TMEM43: variants seen among roughly 807,000 people sequenced by gnomAD.
The protein encoded by TMEM43 is transmembrane protein 43.
A neutral mutation model predicts 49.6 loss-of-function variants in TMEM43; 45 were observed. That is an observed-to-expected ratio of 0.91 (90% CI 0.71 to 1.16). The LOEUF (loss-of-function observed/expected upper bound fraction) is 1.16, where lower values mean the gene tolerates loss of function less well. Ranked by LOEUF, TMEM43 falls within the 50% of genes most tolerant of loss-of-function variation. TMEM43 has a pLI of 0.00. For synonymous variants in TMEM43, 199 were observed against 207.8 expected, an observed-to-expected ratio of 0.96 and a Z score of 0.36; for missense variants, 532 against 516.6, an observed-to-expected ratio of 1.03 and a Z score of -0.29.
At chr3:14,135,483 TC>T (rs890437456) in intron 9 of TMEM43, among the ~76,000 whole-genome samples, 7 of 152,152 alleles carry the variant, frequency 4.6e-5, no homozygotes, top group African/African-American at 1.7e-4. Flanking sequence ...TGACAGGTGT[TC>T]CAGTCACACA....
At chr3:14,138,934 C>G (rs1308205337) in intron 10 of TMEM43, among the ~76,000 whole-genome samples, 3 of 152,206 alleles carry the variant, frequency 2.0e-5, no homozygotes, top group Non-Finnish European at 2.9e-5. Flanking sequence ...GCTGAGGGCT[C>G]CAGGTGCTGG....
At chr3:14,136,046 T>C (rs1695165903) in intron 10 of TMEM43, 138 bp downstream of exon 10, 1 of 809,516 alleles carries the variant, frequency 1.2e-6, no homozygotes, top group African/African-American at 1.7e-5. Flanking sequence ...GAATGTTGAG[T>C]ATGCCTCATC....
In TMEM43 at chr3:14,133,738, G is replaced by A; in HGVS notation, c.513-1G>A. ...CTCTGACAGCTTCCTCTCTCCCACA[G>A]TGCCATGGCAGTGGAGTCATTCATG... On this transcript the variant is annotated splice_acceptor_variant, in intron 6 of 11. Transcript: ENST00000306077. LOFTEE classifies it high-confidence loss of function. The A allele has an allele frequency of 6.2e-7, 1 of 1,614,160 alleles. No individual in the cohort carries two copies. Among genetic ancestry groups the A allele is most frequent in the Non-Finnish European group, 8.5e-7 (1 of 1,179,972 alleles).
chr3:14,142,157 G>A lies in TMEM43; in HGVS notation c.*362G>A, dbSNP rs1695258972. 1 of 333,294 alleles carries A rather than the reference G, an allele frequency of 3.0e-6. No homozygotes were observed. Among genetic ancestry groups the A allele is most frequent in the East Asian group, 7.3e-5 (1 of 13,756 alleles). The allele number at this position is 333,294 out of a possible 1,614,324, so 20.6% of individuals were successfully genotyped here. A position where few individuals can be genotyped will look rare whatever the true frequency, so the allele number is the denominator to read the frequency against. Reference sequence around the variant, plus strand: ...CTCTACGGAGGCCTGCTGATAAAGGGCTCAGCCTTGCCGTGTGCTGCTTCT... The same window carrying A: ...CTCTACGGAGGCCTGCTGATAAAGGACTCAGCCTTGCCGTGTGCTGCTTCT... On this transcript the variant is annotated 3_prime_UTR_variant, in exon 12 of 12. Transcript: ENST00000306077.
intron 2 of TMEM43, 109 bp from the exon 3 acceptor site, chr3:14,130,713 G>T: frequency 7.1e-7 from 1 of 1,400,378 alleles, no homozygotes. Flanking sequence ...GTGGGGAGAT[G>T]GGTCTCAGCG....
chr3:14,141,459 TTCCACCCACTGA>T (rs1209196968), intron 11 of TMEM43, 122 bp from the exon 12 acceptor site: 50 of 883,416 alleles, frequency 5.7e-5, no homozygotes, highest in Non-Finnish European at 8.2e-5. Flanking sequence ...GCTCCTTGCC[TTCCACCCACTGA>T]TCCTCTCCCC....
Position 14,134,801 on chromosome 3 carries a change from C to T in TMEM43, c.615C>T (p.Ser205=), listed in dbSNP as rs761287242. The T allele has an allele frequency of 6.2e-7, 1 of 1,614,170 alleles. No homozygotes were observed. The highest frequency in any genetic ancestry group is 8.5e-7 in the Non-Finnish European group (1 of 1,180,020). The part of the protein sequence containing the change: ...GLIDKVDNFK[S]LSLSKLEDPH... Reference sequence around the variant, plus strand: ...TCGACAAAGTCGACAACTTCAAGTCCCTGAGCCTATCCAAGCTGGAGGACC... The same window carrying T: ...TCGACAAAGTCGACAACTTCAAGTCTCTGAGCCTATCCAAGCTGGAGGACC... Residue 205 remains serine (S), a synonymous_variant, in exon 8 of 12, where the codon TCC becomes TCT. Coordinates refer to ENST00000306077, the MANE Select transcript of TMEM43 (RefSeq NM_024334.3).
At chr3:14,125,434 G>C (rs1411250303) in intron 1 of TMEM43, among the ~76,000 whole-genome samples, 2 of 152,230 alleles carry the variant, frequency 1.3e-5, no homozygotes, top group East Asian at 1.9e-4. Flanking sequence ...CGTCCTCGGC[G>C]TTCGTGCGGA....
chr3:14,143,479 C>T lies in TMEM43; in HGVS notation c.*1684C>T, dbSNP rs1023488794. ...TCTTAAAGGATGCTTTCGGAAAACA[C>T]GCTGTATACCTAGATGATGACTAAA... On this transcript the variant is annotated 3_prime_UTR_variant, in exon 12 of 12. Transcript: ENST00000306077. 4 of 152,192 alleles carry T rather than the reference C, an allele frequency of 2.6e-5. No individual in the cohort carries two copies. The highest frequency in any genetic ancestry group is 6.5e-5 in the Admixed American group (1 of 15,282). The allele number at this position is 152,192 out of a possible 1,614,324, so 9.4% of individuals were successfully genotyped here. A position where few individuals can be genotyped will look rare whatever the true frequency, so the allele number is the denominator to read the frequency against.
intron 11 of TMEM43, among the ~76,000 whole-genome samples, chr3:14,141,194 A>G (rs999902820): frequency 1.3e-5 from 2 of 152,196 alleles, no homozygotes; most frequent in East Asian, 1.9e-4. Context: ...AATGGCTGAG[A>G]GGCCCAAATA....
rs749592639 is a variant in TMEM43 at position 14,139,309 on chromosome 3, G to A, written c.1000+12G>A. The A allele has an allele frequency of 1.1e-5, 17 of 1,590,938 alleles. No individual in the cohort carries two copies. The Admixed American group carries it at 1.3e-4, about 12-fold the overall frequency. On this transcript the variant is annotated intron_variant, in intron 11 of 11. Transcript: ENST00000306077. ...CCTCTACACCTTGGGTAGGTGTTGG[G>A]GTGGGTCACTGCCCTCCCTCCTGCA... is the stretch of plus-strand genomic sequence containing the variant.
Position 14,134,855 on chromosome 3 carries a change from C to G in TMEM43, c.669C>G (p.Asp223Glu). 1 of 1,614,188 alleles carries G rather than the reference C, an allele frequency of 6.2e-7. No homozygotes were observed. The highest frequency in any genetic ancestry group is 1.1e-5 in the South Asian group (1 of 91,086). ...DPHVDIIRRGDFFYHSENPKY... is the reference protein window; with the variant it reads ...DPHVDIIRRGEFFYHSENPKY... ...ATGTGGACATCATTCGCCGTGGAGA[C>G]TTTTTCTACCACAGCGAAAATCCCA... The change falls in exon 8 of 12, where the codon GAC (aspartate) becomes GAG (glutamate). Residue 223 changes from aspartate to glutamate, a missense_variant. By Grantham distance (45) the Asp-to-Glu change is conservative (BLOSUM62 2). Transcript: ENST00000306077.
At position 14,130,865 on chromosome 3, in the gene TMEM43, C is replaced by T. The variant is rs369779779; in HGVS notation, c.206C>T (p.Ser69Leu). ...KTATSLAEGL[S>L]LVVSPDSIHS... ...GCAACCTCATTGGCTGAGGGGCTCT[C>T]GCTTGTGGTGTCTCCCGACAGCATC... The change falls in exon 3 of 12, where the codon TCG becomes TTG. Residue 69 changes from serine (S) to leucine (L), a missense_variant. Coordinates refer to ENST00000306077, the MANE Select transcript of TMEM43 (RefSeq NM_024334.3). 45 of 1,613,840 alleles carry T rather than the reference C, an allele frequency of 2.8e-5. No individual in the cohort carries two copies. In the East Asian group the frequency reaches 3.1e-4, roughly 11 times the overall value.
intron 7 of TMEM43, 50 bp downstream of exon 7, chr3:14,133,859 C>T: frequency 6.5e-7 from 1 of 1,548,876 alleles, no homozygotes. Flanking sequence ...CACAAGGCCC[C>T]CCTAGGGCCG....
rs1695217097 is a variant in TMEM43, at chr3:14,139,220, CCTGGGGCCTGCGGG to C, written c.925_938del (p.Trp309SerfsTer110). 6.2e-7 allele frequency: 1 copy of C among 1,614,056 alleles called. No homozygotes were observed. Among genetic ancestry groups the C allele is most frequent in the African/African-American group, 1.3e-5 (1 of 74,924 alleles). ...GAACTAAGGAGCAACTCCATGAAGA[CCTGGGGCCTGCGGG>C]CAGCTGGCTGGATGGCCATGTTCAT... On this transcript the variant is annotated frameshift_variant, in exon 11 of 12. Transcript: ENST00000306077. LOFTEE classifies it high-confidence loss of function.
intron 1 of TMEM43, among the ~76,000 whole-genome samples, chr3:14,127,116 G>A (rs1340320890): frequency 6.6e-6 from 1 of 152,144 alleles, no homozygotes; most frequent in African/African-American, 2.4e-5. Flanking sequence ...CACTGGGGAT[G>A]TCCGTCTGTG....
intron 6 of TMEM43, among the ~76,000 whole-genome samples, chr3:14,133,204 G>C (rs1477523720): frequency 1.3e-5 from 2 of 152,250 alleles, no homozygotes; most frequent in Non-Finnish European, 2.9e-5. Context: ...GGCCGGGGAA[G>C]CATTTTGTTA....
intron 4 of TMEM43, 61 bp downstream of exon 4, chr3:14,131,735 A>G (rs1038659218): frequency 5.8e-6 from 7 of 1,216,300 alleles, no homozygotes; most frequent in Admixed American, 1.8e-5. Context: ...AGGTGTCAGG[A>G]TAACATGCAG....
chr3:14,129,334 A>AAAATT, intron 1 of TMEM43, 78 bp from the exon 2 acceptor site: 3 of 849,710 alleles, frequency 3.5e-6, no homozygotes, highest in Non-Finnish European at 3.4e-6. Context: ...AAAAAAAAAA[A>AAAATT]TTGAGTATAA....
Sources: allele counts gnomAD v4.1 joint callset (sites outside exome capture counted in the v4.1 genomes callset), GRCh38; gene constraint gnomAD v4.1.1; transcripts MANE v1.5; gene names NCBI Gene and HGNC (gene_info 2026-07-23, HGNC 2026-07-21).